Variants in WNT9B observed in about 807,000 individuals in gnomAD.
The protein encoded by WNT9B is Wnt family member 9B.
In WNT9B, 12 loss-of-function variants were observed where a neutral mutation model predicts 30.2. The ratio of observed to expected loss-of-function variants is 0.40; its 90% CI spans 0.26 to 0.64. The LOEUF is 0.64. WNT9B is among the 30% of genes least tolerant of loss of function. The pLI is 0.42. For synonymous variants in WNT9B, 218 were observed against 216.9 expected (o/e 1.01, Z -0.05); for missense variants, 442 against 485.2 (o/e 0.91, Z 0.84).
At chr17:46,839,069 A>G (rs8075701) in intron 1 of WNT9B, among the ~76,000 whole-genome samples, 100 of 151,772 alleles carry the variant, frequency 6.6e-4, no homozygotes, top group Non-Finnish European at 1.0e-3. Flanking sequence ...GTAGAGACAG[A>G]CTTTCACCAT....
rs2085375753 is a variant in WNT9B at position 46,878,232 on chromosome 17, T to G, written c.*1514T>G. Among the ~76,000 whole-genome samples the G allele has an allele frequency of 6.6e-6, 1 of 152,242 alleles. No individual in the cohort carries two copies. The highest frequency in any genetic ancestry group is 2.4e-5 in the African/African-American group (1 of 41,476). On this transcript the variant is annotated 3_prime_UTR_variant, in exon 4 of 4. Coordinates refer to ENST00000290015, the MANE Select transcript of WNT9B (RefSeq NM_003396.3). ...CTTTGCTGGCCCTGCCACGCCCATC[T>G]GTCAGCTTCCTTTCTCCCTAAACCT...
At chr17:46,884,984 A>G, downstream of WNT9B, 2 of 426,362 alleles carry the variant, frequency 4.7e-6, no homozygotes, top group Non-Finnish European at 4.6e-6. Flanking sequence ...TCCCTCTTTT[A>G]TATTTCCTTA....
chr17:46,844,101 G>A (rs1387143645), intron 1 of WNT9B, among the ~76,000 whole-genome samples: 2 of 152,026 alleles, frequency 1.3e-5, no homozygotes, highest in African/African-American at 4.8e-5. Flanking sequence ...CTACAGGCAT[G>A]TGCCACAATG....
intron 1 of WNT9B, among the ~76,000 whole-genome samples, chr17:46,835,404 G>C (rs1353955140): frequency 6.6e-6 from 1 of 151,966 alleles, no homozygotes; most frequent in Non-Finnish European, 1.5e-5. Context: ...TTAGAGACAG[G>C]GTTTCACCGT....
intron 2 of WNT9B, among the ~76,000 whole-genome samples, chr17:46,873,913 C>T (rs542289497): frequency 2.0e-5 from 3 of 150,538 alleles, no homozygotes; most frequent in Non-Finnish European, 3.0e-5. Context: ...TGCTTGAACC[C>T]GGGAGGTGGA....
At chr17:46,883,409 A>G (rs1237813963), downstream of WNT9B, among the ~76,000 whole-genome samples, 2 of 150,614 alleles carry the variant, frequency 1.3e-5, no homozygotes, top group Admixed American at 1.3e-4. Context: ...CTCAGCCTAT[A>G]GAGTAGCTGG....
chr17:46,852,025 C>T (rs558001342), intron 1 of WNT9B, among the ~76,000 whole-genome samples: 3 of 152,306 alleles, frequency 2.0e-5, no homozygotes, highest in African/African-American at 7.2e-5. Context: ...CCCCGTCCGC[C>T]CCGGCCCCGC....
At chr17:46,857,354 A>G (rs972191665) in intron 1 of WNT9B, among the ~76,000 whole-genome samples, 2 of 151,886 alleles carry the variant, frequency 1.3e-5, no homozygotes, top group African/African-American at 4.8e-5. Flanking sequence ...GCATGCCTCT[A>G]ATCCCAGCTA....
chr17:46,869,948 G>A (rs1038480668), intron 1 of WNT9B, among the ~76,000 whole-genome samples: 5 of 151,852 alleles, frequency 3.3e-5, no homozygotes, highest in Non-Finnish European at 7.4e-5. Flanking sequence ...ACAGTGAGCT[G>A]AGATCACACC....
downstream of WNT9B, among the ~76,000 whole-genome samples, chr17:46,883,426 AG>A (rs1262615442): frequency 6.6e-6 from 1 of 150,528 alleles, no homozygotes; most frequent in African/African-American, 2.5e-5. Context: ...CTGGGATTAC[AG>A]GCGCCTACCC....
chr17:46,839,815 T>C (rs2084678088), intron 1 of WNT9B, among the ~76,000 whole-genome samples: 1 of 152,198 alleles, frequency 6.6e-6, no homozygotes, highest in South Asian at 2.1e-4. Context: ...CTGAGAATGA[T>C]GGTTTCCAGC....
At chr17:46,859,389 C>A (rs1044402219) in intron 1 of WNT9B, among the ~76,000 whole-genome samples, 1 of 151,624 alleles carries the variant, frequency 6.6e-6, no homozygotes, top group African/African-American at 2.4e-5. Context: ...TGTTTCAGTG[C>A]CATTTGTTGA....
chr17:46,839,682 A>G (rs2146519757), intron 1 of WNT9B, among the ~76,000 whole-genome samples: 1 of 150,916 alleles, frequency 6.6e-6, no homozygotes, highest in Middle Eastern at 3.4e-3. Context: ...TCCCTCCCCC[A>G]GTCCCCCCCG....
chr17:46,857,885 G>T (rs1161018321), intron 1 of WNT9B, among the ~76,000 whole-genome samples: 1 of 151,718 alleles, frequency 6.6e-6, no homozygotes, highest in Non-Finnish European at 1.5e-5. Flanking sequence ...TGGGTTATTT[G>T]TCTTCTTATT....
chr17:46,856,789 A>C (rs760927073), intron 1 of WNT9B, among the ~76,000 whole-genome samples: 1 of 152,194 alleles, frequency 6.6e-6, no homozygotes, highest in Non-Finnish European at 1.5e-5. Context: ...CAGCCAATGC[A>C]TGCATTTTAA....
upstream of WNT9B, chr17:46,851,536 T>C: frequency 1.8e-6 from 1 of 551,992 alleles, no homozygotes; most frequent in Non-Finnish European, 2.7e-6. This position sits in a 1 kb window ranked among gnomAD's most constrained non-coding sequence, Gnocchi z 4.3. Flanking sequence ...CAGCGCCGCC[T>C]GCCCCGCCCC....
At position 46,879,475 on chromosome 17, in the gene WNT9B, C is replaced by T. The variant is rs1598871445; in HGVS notation, c.*2757C>T. 6.6e-6 allele frequency among the ~76,000 whole-genome samples: 1 copy of T among 152,364 alleles called. No individual in the cohort carries two copies. Among genetic ancestry groups the T allele is most frequent in the African/African-American group, 2.4e-5 (1 of 41,590 alleles). The stretch of plus-strand genomic sequence containing the variant: ...AGTGTCTTACTCATAATGATAATGA[C>T]AACGAGAATTCCCACACCTGGCATT... On this transcript the variant is annotated 3_prime_UTR_variant, in exon 4 of 4. Transcript: ENST00000290015.
At chr17:46,864,581 C>G (rs1468477569) in intron 1 of WNT9B, among the ~76,000 whole-genome samples, 1 of 152,094 alleles carries the variant, frequency 6.6e-6, no homozygotes, top group Non-Finnish European at 1.5e-5. Context: ...CTTGGGCCAC[C>G]CAGGGGGTCA....
At chr17:46,833,998 C>T (rs1016678761) in intron 1 of WNT9B, among the ~76,000 whole-genome samples, 17 of 152,046 alleles carry the variant, frequency 1.1e-4, no homozygotes, top group Admixed American at 7.9e-4. Flanking sequence ...GAGTTTGAGA[C>T]CAACCTGGGC....
Sources: allele counts gnomAD v4.1 joint callset (sites outside exome capture counted in the v4.1 genomes callset), GRCh38; gene constraint gnomAD v4.1.1; non-coding constraint Gnocchi (gnomAD v3.1); transcripts MANE v1.5; gene names NCBI Gene and HGNC (gene_info 2026-07-23, HGNC 2026-07-21).